Variants in KLHL29 observed in about 807,000 individuals in gnomAD.
KLHL29 encodes kelch-like protein 29.
A neutral mutation model predicts 80.4 loss-of-function variants in KLHL29; 21 were observed. That is an observed-to-expected ratio of 0.26 (90% CI 0.19 to 0.38). The LOEUF (loss-of-function observed/expected upper bound fraction) is 0.38. Among genes scored for constraint, KLHL29 ranks in the 10% least tolerant of loss-of-function variants. The pLI, the probability that KLHL29 is intolerant of heterozygous loss-of-function variation, is 1.00. For synonymous variants in KLHL29, 511 were observed against 526.8 expected, an observed-to-expected ratio of 0.97 and a Z score of 0.41; for missense variants, 867 against 1,223.9, an observed-to-expected ratio of 0.71 and a Z score of 4.35.
At chr2:23,627,214 A>C (rs1171999632) in intron 3 of KLHL29, among the ~76,000 whole-genome samples, 1 of 152,180 alleles carries the variant, frequency 6.6e-6, no homozygotes, top group Non-Finnish European at 1.5e-5. Context: ...GTGTTTCCTG[A>C]AGGCTGAAGA....
At chr2:23,699,508 A>G (rs888646601) in intron 11 of KLHL29, among the ~76,000 whole-genome samples, 1 of 152,178 alleles carries the variant, frequency 6.6e-6, no homozygotes, top group East Asian at 1.9e-4. Flanking sequence ...CAAGACCTCA[A>G]ACATCCCAGT....
intron 3 of KLHL29, among the ~76,000 whole-genome samples, chr2:23,603,947 C>T (rs912524484): frequency 1.3e-5 from 2 of 152,164 alleles, no homozygotes; most frequent in African/African-American, 4.8e-5. Flanking sequence ...AGATTTGTGG[C>T]GAGGTTGACC....
At chr2:23,676,849 G>A (rs980521461) in intron 5 of KLHL29, among the ~76,000 whole-genome samples, 9 of 152,156 alleles carry the variant, frequency 5.9e-5, no homozygotes, top group Non-Finnish European at 8.8e-5. Flanking sequence ...AGGAGCCCAT[G>A]GTAAGGAGTT....
At chr2:23,533,197 A>G (rs1572383682) in intron 2 of KLHL29, among the ~76,000 whole-genome samples, 1 of 152,170 alleles carries the variant, frequency 6.6e-6, no homozygotes. Context: ...CAGAGAAACC[A>G]TGCGTATGTG....
chr2:23,605,975 G>A (rs1025478640), intron 3 of KLHL29, among the ~76,000 whole-genome samples: 4 of 151,952 alleles, frequency 2.6e-5, no homozygotes, highest in African/African-American at 9.7e-5. Context: ...TTGCCATGTT[G>A]GCCAGGCTGG....
intron 3 of KLHL29, among the ~76,000 whole-genome samples, chr2:23,637,592 C>T (rs1669649529): frequency 6.6e-6 from 1 of 152,220 alleles, no homozygotes; most frequent in Admixed American, 6.5e-5. Flanking sequence ...GCGCAGCCCA[C>T]AGGTCCTAAT....
At chr2:23,482,327 A>C (rs4665217) in intron 2 of KLHL29, among the ~76,000 whole-genome samples, 124,532 of 152,130 alleles carry the variant, frequency 0.82, 51,168 homozygotes, top group East Asian at 0.92. Context: ...ATTTTCTAAG[A>C]GGCCTGTCTC....
chr2:23,484,363 G>A (rs1664875064), intron 2 of KLHL29, among the ~76,000 whole-genome samples: 3 of 152,214 alleles, frequency 2.0e-5, no homozygotes, highest in Non-Finnish European at 4.4e-5. Flanking sequence ...TTGATGTGTT[G>A]CAACTCATTT....
At chr2:23,638,216 A>G (rs760894984) in intron 3 of KLHL29, among the ~76,000 whole-genome samples, 4 of 152,066 alleles carry the variant, frequency 2.6e-5, no homozygotes, top group Non-Finnish European at 5.9e-5. Flanking sequence ...TGTTTGACAC[A>G]GGGATGTTTA....
At chr2:23,522,365 G>A (rs1666132322) in intron 2 of KLHL29, among the ~76,000 whole-genome samples, 1 of 152,006 alleles carries the variant, frequency 6.6e-6, no homozygotes, top group South Asian at 2.1e-4. Flanking sequence ...GGCCAGGCTG[G>A]TCTCGAACTC....
chr2:23,682,405 C>T lies in KLHL29; in HGVS notation c.941-1994C>T, dbSNP rs768693066. ...GCAGGTTCACCCTCAGGTCTGGCTT[C>T]GAGGCTCAACTCTCTGCACGGCGCT... On this transcript the variant is annotated intron_variant, in intron 5 of 13. Transcript: ENST00000486442. The surrounding 1 kb of genome is among the most constrained non-coding windows in gnomAD (Gnocchi z 4.1). 2.0e-5 allele frequency among the ~76,000 whole-genome samples: 3 copies of T among 152,144 alleles called. No homozygotes were observed. The highest frequency in any genetic ancestry group is 4.4e-5 in the Non-Finnish European group (3 of 68,022).
rs1668401519 is a variant in KLHL29, at chr2:23,596,683, A to C, written c.285+34202A>C. Among the ~76,000 whole-genome samples, 1 of 152,188 alleles carries C rather than the reference A, an allele frequency of 6.6e-6. No homozygotes were observed. Among genetic ancestry groups the C allele is most frequent in the Non-Finnish European group, 1.5e-5 (1 of 68,030 alleles). On this transcript the variant is annotated intron_variant, in intron 3 of 13. Coordinates refer to ENST00000486442, the MANE Select transcript of KLHL29 (RefSeq NM_052920.2). The surrounding 1 kb of genome is among the most constrained non-coding windows in gnomAD (Gnocchi z 4.4). ...AGCACGCCTTTAACCCCTATCCTGC[A>C]AGCATCTCCCTCTAAATGAGGGCGA...
At chr2:23,691,211 A>T (rs960272915) in intron 6 of KLHL29, 13 of 208,200 alleles carry the variant, frequency 6.2e-5, no homozygotes, top group South Asian at 8.8e-5. Context: ...CGATCAGAGG[A>T]TATCTCTGGA....
chr2:23,611,194 C>A (rs545286192), intron 3 of KLHL29, among the ~76,000 whole-genome samples: 1 of 152,220 alleles, frequency 6.6e-6, no homozygotes, highest in East Asian at 1.9e-4. Flanking sequence ...CTATTCGATT[C>A]GGGTCTGGGA....
chr2:23,603,365 G>A (rs1057149746), intron 3 of KLHL29, among the ~76,000 whole-genome samples: 8 of 152,092 alleles, frequency 5.3e-5, no homozygotes, highest in South Asian at 2.1e-4. Flanking sequence ...AGGCTACAGC[G>A]GCGGCAGTCA....
chr2:23,628,211 G>A (rs936440045), intron 3 of KLHL29, among the ~76,000 whole-genome samples: 6 of 152,120 alleles, frequency 3.9e-5, no homozygotes, highest in African/African-American at 9.7e-5. Context: ...CACCCAGCCC[G>A]AGCCCAGGAA....
At chr2:23,589,635 G>A (rs541205178) in intron 3 of KLHL29, among the ~76,000 whole-genome samples, 1 of 152,322 alleles carries the variant, frequency 6.6e-6, no homozygotes, top group Admixed American at 6.5e-5. Context: ...AGAACACAAG[G>A]GTCAGCAGAC....
intron 3 of KLHL29, among the ~76,000 whole-genome samples, chr2:23,622,028 G>A (rs918784721): frequency 1.3e-5 from 2 of 152,190 alleles, no homozygotes; most frequent in Non-Finnish European, 1.5e-5. Flanking sequence ...CATCCCCTTG[G>A]GATGTGCTGG....
rs574395218 is a variant in KLHL29 at position 23,501,137 on chromosome 2, A to G, written c.-46+25470A>G. ...GATCTGGGACACGGGAGCCACTCTG[A>G]GACTCAGGGTGGCTGATGGCCCGGA... On this transcript the variant is annotated intron_variant, in intron 2 of 13. Transcript: ENST00000486442. Among the ~76,000 whole-genome samples the G allele has an allele frequency of 7.7e-3, 1,165 of 152,130 alleles. 15 individuals are homozygous for G. Among genetic ancestry groups the G allele is most frequent in the African/African-American group, 0.027 (1,118 of 41,498 alleles).
Sources: allele counts gnomAD v4.1 joint callset (sites outside exome capture counted in the v4.1 genomes callset), GRCh38; gene constraint gnomAD v4.1.1; non-coding constraint Gnocchi (gnomAD v3.1); transcripts MANE v1.5; gene names NCBI Gene and HGNC (gene_info 2026-07-23, HGNC 2026-07-21).